Variants in DPP10 observed in about 807,000 individuals in gnomAD.
DPP10 encodes the protein dipeptidyl peptidase like 10.
In DPP10, 33 loss-of-function variants were observed where a neutral mutation model predicts 120.9. That is an observed-to-expected ratio of 0.27 (90% CI 0.21 to 0.37). The LOEUF (loss-of-function observed/expected upper bound fraction) is 0.37. DPP10 is among the 10% of genes least tolerant of loss of function. DPP10 has a pLI of 1.00. For synonymous variants in DPP10, 337 were observed against 326.1 expected (o/e 1.03, Z -0.36); for missense variants, 816 against 942.8 (o/e 0.87, Z 1.76).
intron 2 of DPP10, among the ~76,000 whole-genome samples, chr2:115,323,386 CAT>C (rs925119461): frequency 1.6e-4 from 25 of 152,190 alleles, no homozygotes; most frequent in Non-Finnish European, 2.6e-4. Context: ...GCCCCTACCA[CAT>C]CTGCAGTTAT....
At chr2:115,197,412 G>A (rs187177099) in intron 1 of DPP10, among the ~76,000 whole-genome samples, 3 of 151,076 alleles carry the variant, frequency 2.0e-5, no homozygotes, top group African/African-American at 7.3e-5. Context: ...AAAAATAGAA[G>A]TAGGCAAAGA....
intron 1 of DPP10, among the ~76,000 whole-genome samples, chr2:114,875,791 A>G (rs1691100441): frequency 6.6e-6 from 1 of 152,170 alleles, no homozygotes; most frequent in African/African-American, 2.4e-5. Flanking sequence ...AATAGAAAAC[A>G]GTCATGTATA....
chr2:115,798,537 T>C (rs1341342658), intron 19 of DPP10, among the ~76,000 whole-genome samples: 1 of 152,096 alleles, frequency 6.6e-6, no homozygotes, highest in Non-Finnish European at 1.5e-5. Context: ...CTGTGTAGCA[T>C]GTAAGTCAAA....
intron 1 of DPP10, among the ~76,000 whole-genome samples, chr2:114,497,783 C>T (rs545800027): frequency 1.4e-4 from 22 of 152,170 alleles, no homozygotes; most frequent in Non-Finnish European, 2.9e-4. Context: ...GAACTCTCAT[C>T]CCCTTCAATG....
At chr2:115,077,328 G>T (rs902724348) in intron 1 of DPP10, among the ~76,000 whole-genome samples, 6 of 151,988 alleles carry the variant, frequency 3.9e-5, no homozygotes, top group Non-Finnish European at 5.9e-5. Flanking sequence ...AAAGATAAAA[G>T]AATTATATAA....
chr2:115,712,543 A>ACATATATATATATATATATATATAT (rs56675119), intron 7 of DPP10, among the ~76,000 whole-genome samples: 2 of 64,276 alleles, frequency 3.1e-5, no homozygotes, highest in African/African-American at 5.5e-5. Context: ...TCCTGAATTA[A>ACATATATATATATATATATATATAT]ATATATATAT....
At chr2:114,638,162 T>C (rs779120652) in intron 1 of DPP10, among the ~76,000 whole-genome samples, 3 of 151,874 alleles carry the variant, frequency 2.0e-5, no homozygotes, top group Non-Finnish European at 4.4e-5. Flanking sequence ...TTTTCAGCAG[T>C]GTTTTGTAGT....
intron 1 of DPP10, among the ~76,000 whole-genome samples, chr2:114,745,759 C>G (rs368932303): frequency 6.6e-6 from 1 of 152,088 alleles, no homozygotes; most frequent in Admixed American, 6.5e-5. Context: ...AATACAAATC[C>G]AGAGAAGGGG....
intron 1 of DPP10, among the ~76,000 whole-genome samples, chr2:114,625,854 T>G (rs1694469412): frequency 6.6e-6 from 1 of 151,922 alleles, no homozygotes; most frequent in Admixed American, 6.6e-5. Context: ...CTAGAATTCA[T>G]TATTTCTCCA....
chr2:115,404,483 G>T (rs769806680), intron 3 of DPP10, among the ~76,000 whole-genome samples: 1 of 152,084 alleles, frequency 6.6e-6, no homozygotes, highest in Non-Finnish European at 1.5e-5. Flanking sequence ...AAACATTGAG[G>T]AAAGAAATTC....
chr2:115,410,306 AG>A (rs1203843530), intron 3 of DPP10, among the ~76,000 whole-genome samples: 6 of 152,366 alleles, frequency 3.9e-5, no homozygotes, highest in Middle Eastern at 3.4e-3. Context: ...ACCCATAAAA[AG>A]GAATGAGATC....
intron 1 of DPP10, among the ~76,000 whole-genome samples, chr2:114,511,808 C>T (rs12104967): frequency 0.022 from 3,292 of 152,288 alleles, 118 homozygotes; most frequent in African/African-American, 0.075. Flanking sequence ...CCTGAACTAA[C>T]ACGAGCAGCC....
At chr2:114,869,788 G>T (rs1303262401) in intron 1 of DPP10, among the ~76,000 whole-genome samples, 1 of 152,194 alleles carries the variant, frequency 6.6e-6, no homozygotes, top group Non-Finnish European at 1.5e-5. Flanking sequence ...GAACTGCCTA[G>T]TTGCAACAAA....
At chr2:114,647,237 T>C (rs550126298) in intron 1 of DPP10, among the ~76,000 whole-genome samples, 1 of 152,322 alleles carries the variant, frequency 6.6e-6, no homozygotes, top group East Asian at 1.9e-4. Flanking sequence ...TTGTTATCAC[T>C]TTCCCTGTTT....
At chr2:115,184,850 C>G (rs1425928181) in intron 1 of DPP10, among the ~76,000 whole-genome samples, 7 of 151,996 alleles carry the variant, frequency 4.6e-5, no homozygotes, top group Non-Finnish European at 1.0e-4. Context: ...TATTGTCATC[C>G]TAAGTAATAT....
chr2:115,264,275 A>G (rs10182676), intron 1 of DPP10, among the ~76,000 whole-genome samples: 38,541 of 152,074 alleles, frequency 0.25, 5,099 homozygotes, highest in East Asian at 0.37. Context: ...CTAACCACCG[A>G]CAAAATTTAT....
Position 115,022,917 on chromosome 2 carries a change from CA to C in DPP10, c.61-286319del, listed in dbSNP as rs1703179686. ...AGTGGGGAAAGGACACTCCATTCAA[CA>C]AATCGTGCTGAGATAATTGGCAAGC... is the stretch of plus-strand genomic sequence containing the variant. On this transcript the variant is annotated intron_variant, in intron 1 of 25. Coordinates refer to ENST00000410059, the MANE Select transcript of DPP10 (RefSeq NM_020868.6). Among the ~76,000 whole-genome samples the C allele has an allele frequency of 2.0e-5, 3 of 152,182 alleles. No individual in the cohort carries two copies. The South Asian group carries it at 6.2e-4, about 32-fold the overall frequency.
chr2:115,211,717 A>G (rs1426378441), intron 1 of DPP10, among the ~76,000 whole-genome samples: 1 of 152,058 alleles, frequency 6.6e-6, no homozygotes, highest in Non-Finnish European at 1.5e-5. Flanking sequence ...TCAGTGCATC[A>G]TTAGTTGACA....
At chr2:114,830,664 A>T (rs1026285004) in intron 1 of DPP10, among the ~76,000 whole-genome samples, 7 of 152,156 alleles carry the variant, frequency 4.6e-5, no homozygotes, top group African/African-American at 9.7e-5. Flanking sequence ...TATTTTTTTT[A>T]AAACCACTTT....
Sources: gnomAD v4.1 joint callset for allele counts (sites outside exome capture counted in the v4.1 genomes callset) on GRCh38, gnomAD v4.1.1 for gene constraint, MANE v1.5 for transcripts, NCBI Gene and HGNC (gene_info 2026-07-23, HGNC 2026-07-21) for gene names.